Variants in PHACTR1 observed in about 807,000 individuals in gnomAD.
The protein encoded by PHACTR1 is phosphatase and actin regulator 1, also known as RPEL repeat containing 1.
A neutral mutation model predicts 69.2 loss-of-function variants in PHACTR1; 16 were observed. The observed-to-expected ratio is 0.23, with a 90% CI of 0.16 to 0.35. The LOEUF is 0.35. Among genes scored for constraint, PHACTR1 ranks in the 10% least tolerant of loss-of-function variants. PHACTR1 has a pLI of 1.00. For synonymous variants in PHACTR1, 312 were observed against 284.5 expected (o/e 1.10, Z -0.97); for missense variants, 510 against 734.7 (o/e 0.69, Z 3.54).
intron 10 of PHACTR1, among the ~76,000 whole-genome samples, chr6:13,252,508 A>G (rs1467709444): frequency 6.6e-6 from 1 of 152,098 alleles, no homozygotes; most frequent in Non-Finnish European, 1.5e-5. Flanking sequence ...TCCATTATTA[A>G]AATTCCATCT....
chr6:13,132,480 CTAAG>C (rs768268763), intron 5 of PHACTR1, among the ~76,000 whole-genome samples: 5 of 152,140 alleles, frequency 3.3e-5, no homozygotes, highest in African/African-American at 7.2e-5. Flanking sequence ...CAGATGCTTA[CTAAG>C]TGTCTATTCA....
At chr6:13,266,000 C>T (rs1215449917) in intron 10 of PHACTR1, among the ~76,000 whole-genome samples, 1 of 152,212 alleles carries the variant, frequency 6.6e-6, no homozygotes, top group Non-Finnish European at 1.5e-5. Flanking sequence ...ATCCTGCTGC[C>T]TACATGACAG....
At chr6:12,820,744 G>C (rs775771432) in intron 4 of PHACTR1, among the ~76,000 whole-genome samples, 6 of 152,134 alleles carry the variant, frequency 3.9e-5, no homozygotes, top group African/African-American at 4.8e-5. Context: ...TTTAAAACTT[G>C]AATTTGTTAT....
intron 10 of PHACTR1, among the ~76,000 whole-genome samples, chr6:13,247,868 A>T (rs1773810013): frequency 6.8e-6 from 1 of 147,122 alleles, no homozygotes; most frequent in Non-Finnish European, 1.5e-5. Context: ...CTGCCTCTTT[A>T]AAAAAAAACA....
chr6:13,270,988 G>A (rs1223399), intron 10 of PHACTR1, among the ~76,000 whole-genome samples: 27,364 of 151,072 alleles, frequency 0.18, 2,606 homozygotes, highest in South Asian at 0.33. Context: ...AGAGTGAGCA[G>A]GGAGTTGCCA....
chr6:12,821,676 T>C (rs1428351671), intron 4 of PHACTR1, among the ~76,000 whole-genome samples: 1 of 152,072 alleles, frequency 6.6e-6, no homozygotes, highest in Non-Finnish European at 1.5e-5. Context: ...AAAATCAAGG[T>C]TTTTTAAAAC....
At chr6:12,952,404 C>G (rs955749679) in intron 4 of PHACTR1, among the ~76,000 whole-genome samples, 9 of 152,190 alleles carry the variant, frequency 5.9e-5, no homozygotes, top group African/African-American at 2.2e-4. Flanking sequence ...ACTCCCTCCC[C>G]CAACCCCGAT....
intron 4 of PHACTR1, among the ~76,000 whole-genome samples, chr6:12,753,814 A>G (rs1766907324): frequency 6.6e-6 from 1 of 152,050 alleles, no homozygotes; most frequent in Non-Finnish European, 1.5e-5. Context: ...GTTATAAACT[A>G]GGTCCCAGGG....
intron 4 of PHACTR1, among the ~76,000 whole-genome samples, chr6:12,887,527 T>C (rs1160336305): frequency 6.6e-6 from 1 of 152,162 alleles, no homozygotes; most frequent in East Asian, 1.9e-4. Context: ...CCATGGAACA[T>C]CACCTTCTCA....
At chr6:12,933,765 C>T (rs1451142713) in intron 4 of PHACTR1, 3 of 1,612,710 alleles carry the variant, frequency 1.9e-6, no homozygotes, top group Non-Finnish European at 2.5e-6. Flanking sequence ...ACATACACTA[C>T]ATCAGCCCAC....
intron 7 of PHACTR1, among the ~76,000 whole-genome samples, chr6:13,203,006 G>A (rs990544686): frequency 6.6e-6 from 1 of 152,224 alleles, no homozygotes; most frequent in Non-Finnish European, 1.5e-5. Context: ...TTCTGGTGTT[G>A]GGGAGCAATC....
intron 4 of PHACTR1, among the ~76,000 whole-genome samples, chr6:13,013,831 G>T (rs568313100): frequency 6.7e-6 from 1 of 148,176 alleles, no homozygotes; most frequent in Non-Finnish European, 1.5e-5. Context: ...CGAGGGGCGC[G>T]AGTGGCAGCG....
intron 5 of PHACTR1, among the ~76,000 whole-genome samples, chr6:13,137,483 A>G (rs773429757): frequency 2.6e-5 from 4 of 152,266 alleles, no homozygotes; most frequent in Non-Finnish European, 4.4e-5. Context: ...GAAATTCTAC[A>G]TTCAGAATGG....
At chr6:13,013,141 T>C (rs1286925781) in intron 4 of PHACTR1, among the ~76,000 whole-genome samples, 1 of 152,260 alleles carries the variant, frequency 6.6e-6, no homozygotes, top group Non-Finnish European at 1.5e-5. Flanking sequence ...CCTTAGTCAC[T>C]GTGCTAAAAC....
At chr6:12,786,944 A>G (rs1771617774) in intron 4 of PHACTR1, among the ~76,000 whole-genome samples, 1 of 152,242 alleles carries the variant, frequency 6.6e-6, no homozygotes, top group Non-Finnish European at 1.5e-5. Context: ...TACTGAGGGA[A>G]AATTATAAGT....
At chr6:12,736,270 T>A (rs1481832915) in intron 3 of PHACTR1, among the ~76,000 whole-genome samples, 1 of 152,242 alleles carries the variant, frequency 6.6e-6, no homozygotes, top group Admixed American at 6.5e-5. Context: ...TTACATTTTG[T>A]AGCTTTTCAT....
intron 4 of PHACTR1, among the ~76,000 whole-genome samples, chr6:12,925,603 TC>T (rs1420743058): frequency 5.3e-5 from 8 of 152,258 alleles, no homozygotes; most frequent in African/African-American, 1.9e-4. Context: ...TCCCCATTCC[TC>T]TTGTTATTCA....
At position 13,145,107 on chromosome 6, in the gene PHACTR1, C is replaced by T. The variant is rs145702141; in HGVS notation, c.416-15097C>T. 4.6e-3 allele frequency among the ~76,000 whole-genome samples: 706 copies of T among 152,314 alleles called. 11 individuals are homozygous for T. The highest frequency in any genetic ancestry group is 0.016 in the African/African-American group (661 of 41,556). ...TTGTGCATATCCTCCGTGAGCATGT[C>T]TATTCTGCTTTGGTATAAAAGTCTT... On this transcript the variant is annotated intron_variant, in intron 5 of 14. Coordinates refer to ENST00000332995, the MANE Select transcript of PHACTR1 (RefSeq NM_030948.6).
intron 5 of PHACTR1, among the ~76,000 whole-genome samples, chr6:13,075,737 G>T (rs1810356318): frequency 6.6e-6 from 1 of 152,116 alleles, no homozygotes; most frequent in Admixed American, 6.6e-5. Flanking sequence ...ATTTGGCCAG[G>T]CTATGTTCAA....
Sources: allele counts gnomAD v4.1 joint callset (sites outside exome capture counted in the v4.1 genomes callset), GRCh38; gene constraint gnomAD v4.1.1; transcripts MANE v1.5; gene names NCBI Gene and HGNC (gene_info 2026-07-23, HGNC 2026-07-21).